UGT2B11: variants seen among roughly 807,000 people sequenced by gnomAD.
The protein encoded by UGT2B11 is UDP-glucuronosyltransferase 2B11.
Under a neutral mutation model 51.7 loss-of-function variants are expected in UGT2B11, and 49 were observed. The ratio of observed to expected loss-of-function variants is 0.95; its 90% CI spans 0.75 to 1.20. The LOEUF is 1.20. Ranked by LOEUF, UGT2B11 falls within the 50% of genes most tolerant of loss-of-function variation. UGT2B11 has a pLI of 0.00. For synonymous variants in UGT2B11, 273 were observed against 209.0 expected, an observed-to-expected ratio of 1.31 and a Z score of -2.64; for missense variants, 810 against 622.1, an observed-to-expected ratio of 1.30 and a Z score of -3.21.
Position 69,214,173 on chromosome 4 carries a change from T to A in UGT2B11, c.550A>T (p.Ser184Cys), listed in dbSNP as rs779478944. The A allele has an allele frequency of 1.1e-5, 17 of 1,612,830 alleles. No homozygotes were observed. The African/African-American group carries it at 1.6e-4, about 15-fold the overall frequency. Residue 184 changes from serine to cysteine, a missense_variant, in exon 1 of 6, where the codon AGT becomes TGT. Coordinates refer to ENST00000446444, the MANE Select transcript of UGT2B11 (RefSeq NM_001073.3). ...GAAGGAGGGAAAATCAGTCCTCCAC[T>A]GTGCCTTTCAATTGTGTAGCCAGGA... is the stretch of plus-strand genomic sequence containing the variant. ...FTPGYTIERH[S>C]GGLIFPPSYI...
Position 69,212,638 on chromosome 4 carries a change from G to A in UGT2B11, c.805C>T (p.Pro269Ser), listed in dbSNP as rs778534981. 1.2e-6 allele frequency: 2 copies of A among 1,610,528 alleles called. No individual in the cohort carries two copies. The highest frequency in any genetic ancestry group is 1.7e-5 in the Admixed American group (1 of 59,794). Residue 269 changes from proline to serine, a missense_variant, in exon 2 of 6, where the codon CCA (proline) becomes TCA (serine). By Grantham distance (74) the Pro-to-Ser change is moderately conservative (BLOSUM62 -1). Coordinates refer to ENST00000446444, the MANE Select transcript of UGT2B11 (RefSeq NM_001073.3). ...ACAAAATCAACGTTTGGTAAGAATG[G>A]ATGAGGAAATTGAAAACTCCAGGAG... Reference protein sequence around the residue: ...RNSWSFQFPHPFLPNVDFVGG... With the variant: ...RNSWSFQFPHSFLPNVDFVGG...
chr4:69,219,986 T>C, the UGT2B11 span, among the ~76,000 whole-genome samples: 2 of 152,156 alleles, frequency 1.3e-5, no homozygotes, highest in African/African-American at 2.4e-5. Context: ...TCATCTGAGA[T>C]AAGGCAAGTC....
chr4:69,203,324 C>T (rs1721729107), intron 5 of UGT2B11, among the ~76,000 whole-genome samples: 1 of 151,422 alleles, frequency 6.6e-6, no homozygotes, highest in African/African-American at 2.4e-5. Context: ...CATTTTAAAC[C>T]CTCTAAGAAG....
At chr4:69,219,516 A>G (rs541205645), upstream of UGT2B11, among the ~76,000 whole-genome samples, 3 of 152,198 alleles carry the variant, frequency 2.0e-5, no homozygotes, top group South Asian at 6.2e-4. Flanking sequence ...GCGTTTTCTC[A>G]TGCTGTTACT....
the UGT2B11 span, among the ~76,000 whole-genome samples, chr4:69,221,524 TC>T: frequency 6.6e-6 from 1 of 152,184 alleles, no homozygotes; most frequent in Non-Finnish European, 1.5e-5. Flanking sequence ...GGTAATTTGT[TC>T]CCCATATTCA....
upstream of UGT2B11, among the ~76,000 whole-genome samples, chr4:69,217,773 A>C (rs954299223): frequency 2.0e-5 from 3 of 152,116 alleles, no homozygotes; most frequent in African/African-American, 4.8e-5. Flanking sequence ...TGCTATATAG[A>C]AAAATACCAT....
the UGT2B11 span, among the ~76,000 whole-genome samples, chr4:69,222,872 A>T: frequency 6.6e-6 from 1 of 152,134 alleles, no homozygotes. Context: ...CCCAAGTTTA[A>T]GTTCTCTTTC....
chr4:69,200,391 T>A lies in UGT2B11; in HGVS notation c.*49A>T. ...TCTTTTCTTTCTTGCTGGAATAAAC[T>A]GAAGTTGTCCTATCTATCTGGTTTT... On this transcript the variant is annotated 3_prime_UTR_variant, in exon 6 of 6. Coordinates refer to ENST00000446444, the MANE Select transcript of UGT2B11 (RefSeq NM_001073.3). The A allele has an allele frequency of 1.4e-6, 2 of 1,480,402 alleles. No homozygotes were observed. The highest frequency in any genetic ancestry group is 1.8e-6 in the Non-Finnish European group (2 of 1,108,884). The allele number at this position is 1,480,402 out of a possible 1,614,324, so 91.7% of individuals were successfully genotyped here.
intron 5 of UGT2B11, 194 bp downstream of exon 5, chr4:69,204,236 T>C (rs1393333842): frequency 2.7e-6 from 2 of 731,572 alleles, no homozygotes; most frequent in Admixed American, 7.3e-5. Flanking sequence ...ACTAACTGGT[T>C]ACTCATTAGA....
rs778177055 is a variant in UGT2B11 at position 69,214,223 on chromosome 4, C to T, written c.500G>A (p.Arg167Gln). Residue 167 changes from arginine to glutamine, a missense_variant, in exon 1 of 6, where the codon CGG (arginine) becomes CAG (glutamine). Physicochemically the swap from Arg to Gln is conservative, Grantham distance 43. Transcript: ENST00000446444. ...AGTAAAGCGGAGACTGTACACAAAC[C>T]GTATGTTAAGTAGCGCAGCCAGCAG... is the stretch of plus-strand genomic sequence containing the variant. The part of the protein sequence containing the change: ...GELLAALLNI[R>Q]FVYSLRFTPG... The T allele has an allele frequency of 1.7e-5, 27 of 1,612,998 alleles. No individual in the cohort carries two copies. The highest frequency in any genetic ancestry group is 1.0e-4 in the Admixed American group (6 of 59,882).
intron 5 of UGT2B11, among the ~76,000 whole-genome samples, chr4:69,203,736 T>C (rs1271449198): frequency 1.3e-5 from 2 of 151,708 alleles, no homozygotes; most frequent in Non-Finnish European, 2.9e-5. Context: ...CTATGTGAAA[T>C]GTCATTTACA....
chr4:69,209,015 CT>C (rs2109948775), intron 2 of UGT2B11, among the ~76,000 whole-genome samples: 1 of 151,734 alleles, frequency 6.6e-6, no homozygotes, highest in Admixed American at 6.6e-5. Context: ...TTATGTTCCT[CT>C]ACAATGCTTT....
At chr4:69,207,399 G>A (rs993478493) in intron 3 of UGT2B11, among the ~76,000 whole-genome samples, 3 of 151,616 alleles carry the variant, frequency 2.0e-5, no homozygotes, top group African/African-American at 7.3e-5. Context: ...TTATCAGATA[G>A]GAAATTAAAA....
chr4:69,211,285 T>C (rs981179195), intron 2 of UGT2B11: 17 of 151,610 alleles, frequency 1.1e-4, no homozygotes, highest in African/African-American at 3.9e-4. Flanking sequence ...GGAAGAGTTT[T>C]AAGCTGGAAT....
intron 4 of UGT2B11, among the ~76,000 whole-genome samples, chr4:69,205,245 T>A (rs1052113956): frequency 4.0e-5 from 6 of 151,764 alleles, no homozygotes; most frequent in African/African-American, 1.4e-4. Context: ...TGAAAAATTC[T>A]GTGAGATATA....
Position 69,200,503 on chromosome 4 carries a change from TG to T in UGT2B11, c.1526del (p.Thr509LysfsTer25), listed in dbSNP as rs1560534830. On this transcript the variant is annotated frameshift_variant, in exon 6 of 6. Transcript: ENST00000446444. LOFTEE classifies it high-confidence loss of function. ...ACVATVIFII[T>X]KFCLFCFWKF... ...TCCAGAAACAAAACAGACAAAACTT[TG>T]TGATGATAAATATCACAGTTGCCAC... The T allele has an allele frequency of 6.2e-7, 1 of 1,612,046 alleles. No homozygotes were observed. The highest frequency in any genetic ancestry group is 2.2e-5 in the East Asian group (1 of 44,720).
rs1721592609 is a variant in UGT2B11 at position 69,200,121 on chromosome 4, T to A, written c.*319A>T. ...AATATAGTTAAGCTGAGTAAATTTT[T>A]TCATGTAACTTGTGAATTCAAACAA... On this transcript the variant is annotated 3_prime_UTR_variant, in exon 6 of 6. Transcript: ENST00000446444. The A allele has an allele frequency of 5.0e-6, 1 of 198,790 alleles. No individual in the cohort carries two copies. The highest frequency in any genetic ancestry group is 9.9e-6 in the Non-Finnish European group (1 of 101,058). The allele number at this position is 198,790 out of a possible 1,614,324, so 12.3% of individuals were successfully genotyped here.
chr4:69,220,065 A>T, the UGT2B11 span, among the ~76,000 whole-genome samples: 1 of 152,206 alleles, frequency 6.6e-6, no homozygotes, highest in African/African-American at 2.4e-5. Flanking sequence ...AGAAACAGGC[A>T]TTGGATAAAT....
upstream of UGT2B11, chr4:69,216,697 A>T (rs1722283717): frequency 6.6e-6 from 1 of 151,774 alleles, no homozygotes; most frequent in Admixed American, 6.6e-5. Flanking sequence ...AATATCAATC[A>T]ATGTCACAAT....
Sources: allele counts gnomAD v4.1 joint callset (sites outside exome capture counted in the v4.1 genomes callset), GRCh38; gene constraint gnomAD v4.1.1; transcripts MANE v1.5; gene names NCBI Gene and HGNC (gene_info 2026-07-23, HGNC 2026-07-21).